LDLRAD4: variants seen among roughly 807,000 people sequenced by gnomAD.
LDLRAD4 encodes low density lipoprotein receptor class A domain containing 4, also known as low-density lipoprotein receptor class A domain-containing protein 4.
LDLRAD4 carries 5 observed loss-of-function variants against 17.0 expected under a neutral mutation model. The observed-to-expected ratio is 0.29, with a 90% confidence interval of 0.15 to 0.62. The LOEUF (loss-of-function observed/expected upper bound fraction) is 0.62. Among genes scored for constraint, LDLRAD4 ranks in the 20% least tolerant of loss-of-function variants. The pLI, the probability that LDLRAD4 is intolerant of heterozygous loss-of-function variation, is 0.84. For synonymous variants in LDLRAD4, 168 were observed against 171.8 expected (o/e 0.98, Z 0.17); for missense variants, 340 against 424.7 (o/e 0.80, Z 1.75).
intron 2 of LDLRAD4, among the ~76,000 whole-genome samples, chr18:13,401,431 T>TTA (rs2087185091): frequency 6.6e-6 from 1 of 152,010 alleles, no homozygotes; most frequent in Non-Finnish European, 1.5e-5. Flanking sequence ...TAGAAGGGCT[T>TTA]TATATTTAGG....
intron 2 of LDLRAD4, among the ~76,000 whole-genome samples, chr18:13,415,758 G>A (rs953034639): frequency 2.0e-5 from 3 of 152,226 alleles, no homozygotes; most frequent in Admixed American, 6.5e-5. Flanking sequence ...GGAAAAGCCA[G>A]GGCCTGGAGC....
intron 2 of LDLRAD4, among the ~76,000 whole-genome samples, chr18:13,412,471 A>G (rs2088467140): frequency 6.6e-6 from 1 of 152,108 alleles, no homozygotes; most frequent in Non-Finnish European, 1.5e-5. Flanking sequence ...AACATTTACC[A>G]TGGTGTTTCT....
At chr18:13,291,962 G>T (rs2045987567) in intron 1 of LDLRAD4, among the ~76,000 whole-genome samples, 1 of 152,122 alleles carries the variant, frequency 6.6e-6, no homozygotes, top group Admixed American at 6.5e-5. Context: ...TGAAATTTTG[G>T]AAGATATCCC....
chr18:13,314,144 A>G (rs1455499918), intron 1 of LDLRAD4, among the ~76,000 whole-genome samples: 2 of 152,190 alleles, frequency 1.3e-5, no homozygotes, highest in Non-Finnish European at 2.9e-5. Context: ...GAGTTTGGCA[A>G]TCAGTGGGGC....
intron 4 of LDLRAD4, among the ~76,000 whole-genome samples, chr18:13,633,018 G>A (rs1480434923): frequency 2.0e-5 from 3 of 152,208 alleles, no homozygotes; most frequent in African/African-American, 7.2e-5. Flanking sequence ...TCAGAGCAGA[G>A]AGGAGACCCA....
intron 2 of LDLRAD4, among the ~76,000 whole-genome samples, chr18:13,391,869 G>A (rs762631823): frequency 2.6e-5 from 4 of 152,026 alleles, no homozygotes; most frequent in African/African-American, 4.8e-5. Flanking sequence ...TTATAAATAC[G>A]ATTTTAAATT....
chr18:13,355,822 A>T (rs2083302736), intron 1 of LDLRAD4, among the ~76,000 whole-genome samples: 1 of 152,132 alleles, frequency 6.6e-6, no homozygotes, highest in Admixed American at 6.5e-5. Flanking sequence ...ATAGAGACAG[A>T]GTCTTGCTTT....
At chr18:13,576,123 C>T (rs2094765953) in intron 3 of LDLRAD4, among the ~76,000 whole-genome samples, 1 of 152,124 alleles carries the variant, frequency 6.6e-6, no homozygotes, top group Non-Finnish European at 1.5e-5. Flanking sequence ...TTATTACAAA[C>T]ATCAAGAAAG....
intron 1 of LDLRAD4, among the ~76,000 whole-genome samples, chr18:13,287,580 T>G (rs1441873688): frequency 6.6e-6 from 1 of 152,180 alleles, no homozygotes; most frequent in African/African-American, 2.4e-5. Context: ...CGCCACCCTA[T>G]GGTGTGGGCT....
At chr18:13,552,606 C>T (rs754743182) in intron 3 of LDLRAD4, among the ~76,000 whole-genome samples, 1 of 152,206 alleles carries the variant, frequency 6.6e-6, no homozygotes, top group Non-Finnish European at 1.5e-5. Flanking sequence ...TCACCCTCCT[C>T]CCTCCACTTC....
chr18:13,387,525 G>A (rs1002194877), exon 2 of LDLRAD4: 51 of 525,884 alleles, frequency 9.7e-5, no homozygotes, highest in East Asian at 9.4e-4. Context: ...AGCAGGGACC[G>A]CCGCCGCCCA....
At chr18:13,267,967 G>A (rs1451663684) in intron 1 of LDLRAD4, among the ~76,000 whole-genome samples, 1 of 152,262 alleles carries the variant, frequency 6.6e-6, no homozygotes, top group East Asian at 1.9e-4. Flanking sequence ...CACTTCAAGC[G>A]ATCCTCCCAC....
At chr18:13,532,057 A>G (rs1601152769) in intron 3 of LDLRAD4, among the ~76,000 whole-genome samples, 1 of 152,096 alleles carries the variant, frequency 6.6e-6, no homozygotes, top group Non-Finnish European at 1.5e-5. Context: ...GAGGATAAAG[A>G]GTAGGAACCC....
chr18:13,645,557 A>G lies in LDLRAD4; in HGVS notation c.821A>G (p.Asn274Ser), dbSNP rs777682197. ...TCTTTCCTCCATCACCAGCGCAGCA[A>G]CGCACACAGGGGCAGCAGACTGCAG... Residue 274 changes from asparagine (N) to serine (S), a missense_variant, in exon 6 of 6, where the codon AAC becomes AGC. Coordinates refer to ENST00000359446, the Ensembl canonical transcript of LDLRAD4. This position sits in a 1 kb window ranked among gnomAD's most constrained non-coding sequence, Gnocchi z 5.7. 6.2e-6 allele frequency: 10 copies of G among 1,609,468 alleles called. No individual in the cohort carries two copies. Among genetic ancestry groups the G allele is most frequent in the Middle Eastern group, 1.7e-4 (1 of 6,042 alleles).
chr18:13,370,225 A>C (rs1276208617), intron 1 of LDLRAD4, among the ~76,000 whole-genome samples: 1 of 152,222 alleles, frequency 6.6e-6, no homozygotes, highest in African/African-American at 2.4e-5. Flanking sequence ...TCTGGAGAAG[A>C]ACTTGCCCTC....
chr18:13,548,413 T>G (rs2094394834), intron 3 of LDLRAD4, among the ~76,000 whole-genome samples: 1 of 152,196 alleles, frequency 6.6e-6, no homozygotes, highest in African/African-American at 2.4e-5. Context: ...CTGAGCCACT[T>G]TCAGCACCCC....
At chr18:13,348,925 G>T (rs529737917) in intron 1 of LDLRAD4, among the ~76,000 whole-genome samples, 2 of 152,194 alleles carry the variant, frequency 1.3e-5, no homozygotes, top group African/African-American at 2.4e-5. Context: ...TTGGAAAAGC[G>T]CAGCATTAGG....
rs376996260 is a variant in LDLRAD4 at position 13,322,403 on chromosome 18, G to A, written c.-383+44215G>A. On this transcript the variant is annotated intron_variant, in intron 1 of 5. Coordinates refer to ENST00000359446, the Ensembl canonical transcript of LDLRAD4. ...CAACCTCCACCTCCCGGGTTCAAGTGATTCTCCCAACTCAGCCTCCCCAGT... is the reference window on the plus strand; with the variant it reads ...CAACCTCCACCTCCCGGGTTCAAGTAATTCTCCCAACTCAGCCTCCCCAGT... Among the ~76,000 whole-genome samples, 858 of 143,594 alleles carry A rather than the reference G, an allele frequency of 6.0e-3. 4 individuals carry two copies. The highest frequency in any genetic ancestry group is 9.6e-3 in the Non-Finnish European group (639 of 66,438). 94.2% of individuals were successfully genotyped at this position (143,594 alleles called of 152,430 possible). A position where few individuals can be genotyped will look rare whatever the true frequency, so the allele number is the denominator to read the frequency against.
intron 3 of LDLRAD4, among the ~76,000 whole-genome samples, chr18:13,563,280 G>T (rs930044008): frequency 2.0e-5 from 3 of 152,192 alleles, no homozygotes; most frequent in African/African-American, 7.2e-5. Flanking sequence ...CGTTTTTTAG[G>T]CTGACAGTTA....
Sources: allele counts gnomAD v4.1 joint callset (sites outside exome capture counted in the v4.1 genomes callset), GRCh38; gene constraint gnomAD v4.1.1; non-coding constraint Gnocchi (gnomAD v3.1); transcripts MANE v1.5; gene names NCBI Gene and HGNC (gene_info 2026-07-23, HGNC 2026-07-21).